GALNTL6: variants seen among roughly 807,000 people sequenced by gnomAD.
The protein encoded by GALNTL6 is polypeptide N-acetylgalactosaminyltransferase-like 6.
In GALNTL6, 46 loss-of-function variants were observed where a neutral mutation model predicts 73.7. The observed-to-expected ratio is 0.62, with a 90% CI of 0.49 to 0.80. GALNTL6 has a LOEUF of 0.80. Ranked by LOEUF, GALNTL6 falls within the 30% of genes least tolerant of loss-of-function variation. The pLI, the probability that GALNTL6 is intolerant of heterozygous loss-of-function variation, is 0.00. For synonymous variants in GALNTL6, 259 were observed against 263.7 expected, an observed-to-expected ratio of 0.98 and a Z score of 0.17; for missense variants, 604 against 755.0, an observed-to-expected ratio of 0.80 and a Z score of 2.34.
intron 10 of GALNTL6, among the ~76,000 whole-genome samples, chr4:172,964,332 T>C (rs1017275999): frequency 2.0e-5 from 3 of 152,162 alleles, no homozygotes; most frequent in Admixed American, 2.0e-4. Flanking sequence ...CTAAATATCA[T>C]GTGTAAGAAG....
chr4:172,396,765 C>T (rs1743864185), intron 5 of GALNTL6, among the ~76,000 whole-genome samples: 1 of 152,100 alleles, frequency 6.6e-6, no homozygotes, highest in Non-Finnish European at 1.5e-5. Flanking sequence ...TGCATGGATG[C>T]CACTTTATTG....
intron 10 of GALNTL6, among the ~76,000 whole-genome samples, chr4:173,002,579 G>T (rs62341917): frequency 1.3e-5 from 2 of 151,748 alleles, no homozygotes; most frequent in East Asian, 3.9e-4. Flanking sequence ...TGGATCATGA[G>T]GTCAGGAGAT....
intron 2 of GALNTL6, among the ~76,000 whole-genome samples, chr4:172,223,798 T>C (rs1022597894): frequency 6.6e-6 from 1 of 152,168 alleles, no homozygotes; most frequent in Non-Finnish European, 1.5e-5. Context: ...CACTAGTTTA[T>C]CACCTGGTTC....
intron 2 of GALNTL6, among the ~76,000 whole-genome samples, chr4:172,211,271 G>C (rs1258399027): frequency 6.6e-6 from 1 of 152,204 alleles, no homozygotes; most frequent in Non-Finnish European, 1.5e-5. Flanking sequence ...AGATCTAGAT[G>C]TGTTCACTAG....
At chr4:172,543,006 A>G (rs917166474) in intron 5 of GALNTL6, among the ~76,000 whole-genome samples, 6 of 152,066 alleles carry the variant, frequency 3.9e-5, no homozygotes, top group African/African-American at 1.2e-4. Flanking sequence ...CTGAGACAGA[A>G]GAATTGTTTG....
At chr4:171,861,125 G>A (rs114292078) in intron 2 of GALNTL6, among the ~76,000 whole-genome samples, 1,621 of 152,160 alleles carry the variant, frequency 0.011, 22 homozygotes, top group African/African-American at 0.036. Flanking sequence ...TGCAGTCTAA[G>A]CCTCCTCAGC....
intron 9 of GALNTL6, among the ~76,000 whole-genome samples, chr4:172,934,918 T>C (rs1356578605): frequency 1.3e-5 from 2 of 152,324 alleles, no homozygotes; most frequent in East Asian, 3.9e-4. Flanking sequence ...CCAAGCACTG[T>C]GCTGAAGGAG....
chr4:172,647,781 A>AT (rs1176329500), intron 5 of GALNTL6, among the ~76,000 whole-genome samples: 1 of 152,026 alleles, frequency 6.6e-6, no homozygotes, highest in African/African-American at 2.4e-5. Context: ...TTTATAATTA[A>AT]TTTTTTTCAT....
chr4:171,959,682 G>A (rs1190807081), intron 2 of GALNTL6, among the ~76,000 whole-genome samples: 3 of 152,136 alleles, frequency 2.0e-5, no homozygotes, highest in African/African-American at 4.8e-5. Context: ...GAGACCCTAT[G>A]TAAAGAAAGA....
intron 5 of GALNTL6, among the ~76,000 whole-genome samples, chr4:172,670,615 C>T (rs9654310): frequency 0.98 from 149,411 of 152,276 alleles, 73,359 homozygotes; most frequent in Non-Finnish European, 1. Flanking sequence ...GTTCACTTTG[C>T]TGATAGTTTC....
At chr4:172,229,071 T>C (rs1389190561) in intron 2 of GALNTL6, among the ~76,000 whole-genome samples, 2 of 152,200 alleles carry the variant, frequency 1.3e-5, no homozygotes, top group Non-Finnish European at 2.9e-5. Flanking sequence ...TCTGCCACTG[T>C]GGTTTACCTC....
chr4:171,849,368 T>C (rs561582247), intron 2 of GALNTL6, among the ~76,000 whole-genome samples: 1 of 152,234 alleles, frequency 6.6e-6, no homozygotes, highest in Non-Finnish European at 1.5e-5. Context: ...TTCCTTGAGA[T>C]CACTCCCTTA....
intron 5 of GALNTL6, among the ~76,000 whole-genome samples, chr4:172,438,802 C>T (rs1731729077): frequency 6.6e-6 from 1 of 152,008 alleles, no homozygotes; most frequent in East Asian, 1.9e-4. Context: ...CTTTTCTCCT[C>T]ATACTTCTCG....
chr4:172,649,302 G>C (rs1484287341), intron 5 of GALNTL6, among the ~76,000 whole-genome samples: 1 of 152,122 alleles, frequency 6.6e-6, no homozygotes, highest in Admixed American at 6.6e-5. Context: ...CAGGGAGGGG[G>C]CAGACAAACT....
chr4:172,734,276 C>T lies in GALNTL6; in HGVS notation c.554-75085C>T, dbSNP rs573749545. Among the ~76,000 whole-genome samples, 15 of 152,178 alleles carry T rather than the reference C, an allele frequency of 9.9e-5. No homozygotes were observed. The East Asian group carries it at 2.9e-3, about 29-fold the overall frequency. On this transcript the variant is annotated intron_variant, in intron 5 of 12. Coordinates refer to ENST00000506823, the MANE Select transcript of GALNTL6 (RefSeq NM_001034845.3). ...TGCTGATGCAGTAGAAAAGAAAAAC[C>T]CATTTTCTGGGGAGCAATTCAAGTC...
chr4:172,609,724 G>C (rs902385029), intron 5 of GALNTL6, among the ~76,000 whole-genome samples: 5 of 150,324 alleles, frequency 3.3e-5, no homozygotes, highest in African/African-American at 1.2e-4. Flanking sequence ...TTAAGGAGGT[G>C]TTCCTCCTCT....
chr4:172,495,767 T>G (rs369762970), intron 5 of GALNTL6, among the ~76,000 whole-genome samples: 2 of 152,204 alleles, frequency 1.3e-5, no homozygotes, highest in East Asian at 3.9e-4. Flanking sequence ...GAGTCTGCAT[T>G]TCTAATAAGC....
chr4:172,113,142 G>A (rs1336848513), intron 2 of GALNTL6, among the ~76,000 whole-genome samples: 2 of 151,692 alleles, frequency 1.3e-5, no homozygotes, highest in African/African-American at 4.8e-5. Flanking sequence ...AGTAATAGTG[G>A]ATCTGTTATG....
intron 8 of GALNTL6, among the ~76,000 whole-genome samples, chr4:172,916,241 G>A (rs547921382): frequency 2.6e-4 from 39 of 152,132 alleles, no homozygotes; most frequent in African/African-American, 6.3e-4. Flanking sequence ...TTGATGGGAC[G>A]TATCTCAAAA....
Sources: gnomAD v4.1 joint callset for allele counts (sites outside exome capture counted in the v4.1 genomes callset) on GRCh38, gnomAD v4.1.1 for gene constraint, MANE v1.5 for transcripts, NCBI Gene and HGNC (gene_info 2026-07-23, HGNC 2026-07-21) for gene names.